LARGE1: variants seen among roughly 807,000 people sequenced by gnomAD.
LARGE1 encodes xylosyl- and glucuronyltransferase LARGE1.
In LARGE1, 43 loss-of-function variants were observed where a neutral mutation model predicts 87.6. The ratio of observed to expected loss-of-function variants is 0.49; its 90% confidence interval spans 0.38 to 0.63. The LOEUF (loss-of-function observed/expected upper bound fraction) is 0.63, where lower values mean the gene tolerates loss of function less well. Ranked by LOEUF, LARGE1 falls within the 30% of genes least tolerant of loss-of-function variation. The probability of loss-of-function intolerance (pLI) is 0.00; values close to 1 mark genes in which losing one functional copy is unlikely to be tolerated. For missense variants in LARGE1, 802 were observed against 1,000.2 expected (o/e 0.80, Z 2.67); for synonymous variants, 434 against 394.6 (o/e 1.10, Z -1.18).
intron 2 of LARGE1, among the ~76,000 whole-genome samples, chr22:33,663,581 C>T (rs1054030700): frequency 4.6e-5 from 7 of 152,132 alleles, no homozygotes; most frequent in Non-Finnish European, 8.8e-5. Flanking sequence ...AGAAAAGCCC[C>T]TTGCAGGACA....
At chr22:33,294,183 G>A (rs969838575) in intron 12 of LARGE1, among the ~76,000 whole-genome samples, 6 of 152,228 alleles carry the variant, frequency 3.9e-5, no homozygotes, top group Non-Finnish European at 5.9e-5. Flanking sequence ...AGAAATGCCC[G>A]TGCTGACTTC....
intron 1 of LARGE1, among the ~76,000 whole-genome samples, chr22:33,834,306 G>A (rs2063053012): frequency 6.6e-6 from 1 of 152,156 alleles, no homozygotes; most frequent in African/African-American, 2.4e-5. Flanking sequence ...CTGAGCCCAA[G>A]CTAAGCCATC....
intron 11 of LARGE1, among the ~76,000 whole-genome samples, chr22:33,233,593 G>A (rs920202865): frequency 2.0e-5 from 3 of 152,092 alleles, no homozygotes; most frequent in African/African-American, 7.2e-5. Context: ...GTATGGTTGG[G>A]CAGATGAGAA....
chr22:33,483,152 C>T (rs1602055233), intron 6 of LARGE1, among the ~76,000 whole-genome samples: 1 of 152,142 alleles, frequency 6.6e-6, no homozygotes, highest in East Asian at 1.9e-4. Flanking sequence ...TTGGCTGGCC[C>T]GCCTTCCATT....
At chr22:33,801,341 GAC>G (rs1368700056) in intron 1 of LARGE1, among the ~76,000 whole-genome samples, 2 of 152,126 alleles carry the variant, frequency 1.3e-5, no homozygotes, top group South Asian at 2.1e-4. Context: ...TCCCACCAAA[GAC>G]ACAGTTTCTC....
chr22:33,433,907 G>C (rs1437692516), intron 6 of LARGE1, among the ~76,000 whole-genome samples: 1 of 152,076 alleles, frequency 6.6e-6, no homozygotes, highest in Non-Finnish European at 1.5e-5. Flanking sequence ...TAATATATTC[G>C]ATCAATTTTA....
At chr22:33,903,076 G>A (rs1461888687) in intron 1 of LARGE1, among the ~76,000 whole-genome samples, 1 of 152,286 alleles carries the variant, frequency 6.6e-6, no homozygotes, top group Non-Finnish European at 1.5e-5. Flanking sequence ...AGGTTGCACT[G>A]AGCCGAGATC....
chr22:33,248,070 A>G (rs1568988920), intron 11 of LARGE1, among the ~76,000 whole-genome samples: 1 of 152,158 alleles, frequency 6.6e-6, no homozygotes, highest in Non-Finnish European at 1.5e-5. Context: ...TCATGACTCA[A>G]TCTGATTTCT....
chr22:33,683,860 GC>G (rs1339343593), intron 2 of LARGE1, among the ~76,000 whole-genome samples: 1 of 152,080 alleles, frequency 6.6e-6, no homozygotes, highest in East Asian at 1.9e-4. Flanking sequence ...TTGATGAAAA[GC>G]CCAGCCTGGG....
intron 7 of LARGE1, among the ~76,000 whole-genome samples, chr22:33,400,443 G>A (rs1477644750): frequency 6.6e-6 from 1 of 152,170 alleles, no homozygotes; most frequent in Non-Finnish European, 1.5e-5. Flanking sequence ...ACCAGCTACC[G>A]AAAAATGGCT....
intron 6 of LARGE1, among the ~76,000 whole-genome samples, chr22:33,471,104 G>A (rs904420028): frequency 4.1e-5 from 6 of 148,070 alleles, no homozygotes; most frequent in Non-Finnish European, 7.4e-5. Context: ...CTCTGCTCAC[G>A]GCAACCTCTG....
chr22:33,252,838 G>C, intron 11 of LARGE1, among the ~76,000 whole-genome samples: 1 of 152,068 alleles, frequency 6.6e-6, no homozygotes, highest in Non-Finnish European at 1.5e-5. Context: ...CACTCTTTGG[G>C]GTCACTCCAT....
chr22:33,567,893 T>G (rs986593777), intron 5 of LARGE1, among the ~76,000 whole-genome samples: 1 of 152,220 alleles, frequency 6.6e-6, no homozygotes, highest in African/African-American at 2.4e-5. Context: ...TTAGTTCACT[T>G]AGGATAATGG....
At chr22:33,491,078 G>C (rs117636893) in intron 6 of LARGE1, among the ~76,000 whole-genome samples, 26 of 152,140 alleles carry the variant, frequency 1.7e-4, no homozygotes, top group Non-Finnish European at 1.5e-5. Flanking sequence ...TGTTTACAAG[G>C]ATCTTCTCTT....
chr22:33,284,201 G>C (rs1931070089), intron 12 of LARGE1, among the ~76,000 whole-genome samples: 1 of 152,168 alleles, frequency 6.6e-6, no homozygotes, highest in Admixed American at 6.5e-5. Context: ...TGGTTCCCTG[G>C]GCTGGTCAAT....
At chr22:33,089,321 T>TCTCTTCTTCTTC in the LARGE1 span, among the ~76,000 whole-genome samples, 1 of 87,046 alleles carries the variant, frequency 1.1e-5, no homozygotes, top group Non-Finnish European at 2.2e-5. Context: ...TTCTTTCTTC[T>TCTCTTCTTCTTC]TTCTTCTTCT....
At chr22:33,891,439 T>TAAAAAAA (rs34298566) in intron 1 of LARGE1, among the ~76,000 whole-genome samples, 2 of 147,886 alleles carry the variant, frequency 1.4e-5, no homozygotes, top group Non-Finnish European at 1.5e-5. Context: ...GTGCTAGCCA[T>TAAAAAAA]AAAAAAAAAA....
At chr22:33,512,659 C>T (rs897878316) in intron 6 of LARGE1, among the ~76,000 whole-genome samples, 1 of 152,058 alleles carries the variant, frequency 6.6e-6, no homozygotes, top group South Asian at 2.1e-4. Context: ...AAAATTTAGC[C>T]GGGAGTGGTG....
intron 6 of LARGE1, among the ~76,000 whole-genome samples, chr22:33,550,584 G>A (rs557281858): frequency 1.3e-5 from 2 of 152,250 alleles, no homozygotes; most frequent in East Asian, 3.9e-4. Context: ...TGGAGAAGAC[G>A]GAACTCTTAT....
Sources: allele counts gnomAD v4.1 joint callset (sites outside exome capture counted in the v4.1 genomes callset), GRCh38; gene constraint gnomAD v4.1.1; transcripts MANE v1.5; gene names NCBI Gene and HGNC (gene_info 2026-07-23, HGNC 2026-07-21).